SCNN1A: variants seen among roughly 807,000 people sequenced by gnomAD.
The protein encoded by SCNN1A is epithelial sodium channel subunit alpha.
SCNN1A carries 65 observed loss-of-function variants against 68.6 expected under a neutral mutation model. That is an observed-to-expected ratio of 0.95 (90% CI 0.78 to 1.16). The LOEUF (loss-of-function observed/expected upper bound fraction) is 1.16, where lower values mean the gene tolerates loss of function less well. SCNN1A is among the 50% of genes most tolerant of loss of function. SCNN1A has a pLI of 0.00. For synonymous variants in SCNN1A, 357 were observed against 353.3 expected, an observed-to-expected ratio of 1.01 and a Z score of -0.12; for missense variants, 880 against 865.9, an observed-to-expected ratio of 1.02 and a Z score of -0.20.
Position 6,364,522 on chromosome 12 carries a change from G to A in SCNN1A, c.417-812C>T, listed in dbSNP as rs565875111. Among the ~76,000 whole-genome samples the A allele has an allele frequency of 5.3e-5, 8 of 152,208 alleles. No homozygotes were observed. In the South Asian group the frequency reaches 1.7e-3, roughly 32 times the overall value. On this transcript the variant is annotated intron_variant, in intron 2 of 12. Transcript: ENST00000228916. ...TGTAATCCCAGCATTTTGGGAGGCC[G>A]AGGTGGGCAGATCACGGGGTCAGGG...
At chr12:6,348,329 C>T (rs1948301120) in intron 12 of SCNN1A, 76 bp from the exon 13 acceptor site, 21 of 1,607,290 alleles carry the variant, frequency 1.3e-5, no homozygotes, top group Non-Finnish European at 1.8e-5. Flanking sequence ...CCCTTCCCTC[C>T]TCACCAAGCT....
rs1250760865 is a variant in SCNN1A, at chr12:6,372,414, T to C, written c.416+1954A>G. 6.6e-6 allele frequency among the ~76,000 whole-genome samples: 1 copy of C among 152,156 alleles called. No individual in the cohort carries two copies. Among genetic ancestry groups the C allele is most frequent in the Non-Finnish European group, 1.5e-5 (1 of 68,028 alleles). ...CCCTTCCCCGACTCCTCTCCTCTCC[T>C]AGGTGTTCTCTCCCTCCCGACTCCC... is the stretch of plus-strand genomic sequence containing the variant. On this transcript the variant is annotated intron_variant, in intron 2 of 12. Transcript: ENST00000228916. The surrounding 1 kb of genome is among the most constrained non-coding windows in gnomAD (Gnocchi z 5.8).
At chr12:6,348,419 CA>C (rs1490525689) in intron 12 of SCNN1A, among the ~76,000 whole-genome samples, 166 bp from the exon 13 acceptor site, 1 of 151,116 alleles carries the variant, frequency 6.6e-6, no homozygotes, top group Non-Finnish European at 1.5e-5. Flanking sequence ...TGCTCCTGGC[CA>C]GTGTCACCCA....
intron 8 of SCNN1A, among the ~76,000 whole-genome samples, chr12:6,350,706 G>A (rs1948371011): frequency 6.6e-6 from 1 of 151,928 alleles, no homozygotes; most frequent in South Asian, 2.1e-4. Context: ...GTGTGGTGGT[G>A]CACACCTGTA....
In SCNN1A at chr12:6,374,852, G is replaced by T. The variant is rs1198241093; in HGVS notation, c.-54-15C>A. 17 of 1,614,122 alleles carry T rather than the reference G, an allele frequency of 1.1e-5. No homozygotes were observed. Among genetic ancestry groups the T allele is most frequent in the Non-Finnish European group, 1.2e-5 (14 of 1,180,020 alleles). ...AGCTTGTTCCCCTTCATGAGCCCCG[G>T]AGTGGATTGGGGAGAGCAAGGGTCA... On this transcript the variant is annotated splice_polypyrimidine_tract_variant and intron_variant, in intron 1 of 12. Coordinates refer to ENST00000228916, the MANE Select transcript of SCNN1A (RefSeq NM_001038.6). This position sits in a 1 kb window ranked among gnomAD's most constrained non-coding sequence, Gnocchi z 6.2.
At chr12:6,364,557 C>G (rs1488900136) in intron 2 of SCNN1A, among the ~76,000 whole-genome samples, 1 of 151,874 alleles carries the variant, frequency 6.6e-6, no homozygotes, top group Non-Finnish European at 1.5e-5. Flanking sequence ...GTATCGAGAC[C>G]ACCCTGGCTA....
intron 2 of SCNN1A, among the ~76,000 whole-genome samples, chr12:6,369,892 T>C (rs1320040734): frequency 6.6e-6 from 1 of 150,766 alleles, no homozygotes; most frequent in Non-Finnish European, 1.5e-5. Context: ...TAGAAATTCC[T>C]ATAGCAGGAG....
At chr12:6,356,188 C>T (rs1948495238) in intron 4 of SCNN1A, 1 of 438,366 alleles carries the variant, frequency 2.3e-6, no homozygotes, top group Non-Finnish European at 4.2e-6. Context: ...CCAGGCTCCT[C>T]TCACCAGGCC....
intron 2 of SCNN1A, among the ~76,000 whole-genome samples, chr12:6,370,264 TG>T (rs1402687612): frequency 3.3e-5 from 5 of 152,216 alleles, no homozygotes; most frequent in Non-Finnish European, 7.3e-5. Flanking sequence ...AGCCAAGATG[TG>T]AACCCAGGCC....
rs1238410231 is a variant in SCNN1A, at chr12:6,349,392, A to G, written c.1374T>C (p.Tyr458=). 6.3e-7 allele frequency: 1 copy of G among 1,596,266 alleles called. No homozygotes were observed. Among genetic ancestry groups the G allele is most frequent in the South Asian group, 1.1e-5 (1 of 88,858 alleles). The change falls in exon 9 of 13, where the codon TAT becomes TAC. Residue 458 remains tyrosine (Y), a synonymous_variant. Transcript: ENST00000228916. ...CTGAGGAGAAGTCAACCTGGAGCTTATAGTAGCAGTACCCTGTGGGTACAG... is the reference window on the plus strand; with the variant it reads ...CTGAGGAGAAGTCAACCTGGAGCTTGTAGTAGCAGTACCCTGTGGGTACAG... The part of the protein sequence containing the change: ...RKHSSWGYCY[Y]KLQVDFSSDH...
intron 8 of SCNN1A, among the ~76,000 whole-genome samples, chr12:6,350,176 T>G (rs1441928118): frequency 6.6e-6 from 1 of 150,670 alleles, no homozygotes; most frequent in Non-Finnish European, 1.5e-5. Flanking sequence ...CTCACGCCTG[T>G]AATCCCAGCA....
intron 2 of SCNN1A, among the ~76,000 whole-genome samples, chr12:6,369,171 A>C (rs943782888): frequency 5.3e-5 from 8 of 150,844 alleles, no homozygotes; most frequent in African/African-American, 2.0e-4. Flanking sequence ...CTCATCACCA[A>C]CTTCAATCTG....
chr12:6,373,287 ACACT>A (rs1459684607), intron 2 of SCNN1A, among the ~76,000 whole-genome samples: 1 of 152,072 alleles, frequency 6.6e-6, no homozygotes, highest in East Asian at 1.9e-4. Flanking sequence ...GTGCACACAC[ACACT>A]CACACCCACA....
intron 2 of SCNN1A, among the ~76,000 whole-genome samples, chr12:6,369,690 C>A (rs1948751204): frequency 6.6e-6 from 1 of 151,910 alleles, no homozygotes; most frequent in African/African-American, 2.4e-5. Context: ...ATAAATTAGC[C>A]GGGCATGGTG....
rs561984872 is a variant in SCNN1A at position 6,358,261 on chromosome 12, C to T, written c.876-2381G>A. On this transcript the variant is annotated intron_variant, in intron 4 of 12. Transcript: ENST00000228916. ...CGATTACAGGGATTCATTAAGATGG[C>T]TAAAGTCAAAAAGACAGACAACAGC... 3.6e-4 allele frequency among the ~76,000 whole-genome samples: 55 copies of T among 152,194 alleles called. 1 individual carries two copies. The South Asian group carries it at 9.7e-3, about 27-fold the overall frequency.
At chr12:6,357,643 A>G (rs1948519535) in intron 4 of SCNN1A, among the ~76,000 whole-genome samples, 1 of 152,216 alleles carries the variant, frequency 6.6e-6, no homozygotes, top group Non-Finnish European at 1.5e-5. Flanking sequence ...AAACACATAG[A>G]GATACACACT....
chr12:6,364,591 TAA>T (rs80062610), intron 2 of SCNN1A, among the ~76,000 whole-genome samples: 1 of 142,878 alleles, frequency 7.0e-6, no homozygotes, highest in Non-Finnish European at 1.5e-5. Flanking sequence ...CCGTCTTTAC[TAA>T]AAAAAAAAAA....
intron 8 of SCNN1A, chr12:6,349,735 AT>A (rs751957946): frequency 1.8e-3 from 443 of 244,720 alleles, no homozygotes; most frequent in Middle Eastern, 4.8e-3. Flanking sequence ...TAATAAATTA[AT>A]TTTTTTTTTA....
At chr12:6,355,215 C>T (rs979590386) in intron 6 of SCNN1A, 57 bp downstream of exon 6, 174 of 1,572,554 alleles carry the variant, frequency 1.1e-4, no homozygotes, top group Non-Finnish European at 1.4e-4. Flanking sequence ...CATGCCTCCC[C>T]GCTGCCCCTC....
Sources: gnomAD v4.1 joint callset for allele counts (sites outside exome capture counted in the v4.1 genomes callset) on GRCh38, gnomAD v4.1.1 for gene constraint, Gnocchi (gnomAD v3.1) non-coding constraint, MANE v1.5 for transcripts, NCBI Gene and HGNC (gene_info 2026-07-23, HGNC 2026-07-21) for gene names.